The following CDYL variants were observed in gnomAD, a reference collection of about 807,000 sequenced individuals.
The protein encoded by CDYL is chromodomain Y-like protein.
A neutral mutation model predicts 47.3 loss-of-function variants in CDYL; 8 were observed. The ratio of observed to expected loss-of-function variants is 0.17; its 90% CI spans 0.10 to 0.31. The LOEUF is 0.31. CDYL is among the 10% of genes least tolerant of loss of function. CDYL has a pLI of 1.00. For synonymous variants in CDYL, 266 were observed against 265.0 expected (o/e 1.00, Z -0.04); for missense variants, 471 against 701.4 (o/e 0.67, Z 3.71).
intron 1 of CDYL, among the ~76,000 whole-genome samples, chr6:4,793,120 T>G (rs1170565213): frequency 2.6e-5 from 4 of 152,170 alleles, no homozygotes; most frequent in African/African-American, 9.7e-5. Context: ...TTCTGGCAAA[T>G]TTCTCTCCTC....
At chr6:4,771,316 G>A (rs1358758107) in intron 3 of CDYL, among the ~76,000 whole-genome samples, 1 of 152,160 alleles carries the variant, frequency 6.6e-6, no homozygotes, top group Non-Finnish European at 1.5e-5. Flanking sequence ...GTTTCACCAT[G>A]TTGGCCAGGC....
At chr6:4,894,874 C>CGTGTGTGTGTGTGT (rs1561692261) in intron 2 of CDYL, among the ~76,000 whole-genome samples, 3 of 147,700 alleles carry the variant, frequency 2.0e-5, no homozygotes, top group Non-Finnish European at 4.4e-5. Flanking sequence ...TATATACACA[C>CGTGTGTGTGTGTGT]ATGTGTATGT....
At chr6:4,797,866 C>G (rs1759119158) in intron 1 of CDYL, among the ~76,000 whole-genome samples, 1 of 152,064 alleles carries the variant, frequency 6.6e-6, no homozygotes, top group Non-Finnish European at 1.5e-5. Context: ...TACTTTTTGT[C>G]TATTATGAAT....
At chr6:4,831,400 A>G (rs1484154826) in intron 1 of CDYL, among the ~76,000 whole-genome samples, 5 of 152,016 alleles carry the variant, frequency 3.3e-5, no homozygotes, top group Non-Finnish European at 7.4e-5. Context: ...GATATGCGGC[A>G]TTATTTCTGA....
At chr6:4,907,658 C>G (rs2127498019) in intron 2 of CDYL, among the ~76,000 whole-genome samples, 1 of 152,314 alleles carries the variant, frequency 6.6e-6, no homozygotes, top group East Asian at 1.9e-4. Context: ...TAGGCATGAG[C>G]CACCATGTCC....
intron 2 of CDYL, among the ~76,000 whole-genome samples, chr6:4,923,751 A>G (rs1158671708): frequency 6.6e-6 from 1 of 152,132 alleles, no homozygotes; most frequent in African/African-American, 2.4e-5. Context: ...TTTAAAAAAA[A>G]TTAGCCAGGC....
chr6:4,902,487 G>A (rs1226332393), intron 2 of CDYL, among the ~76,000 whole-genome samples: 1 of 152,038 alleles, frequency 6.6e-6, no homozygotes, highest in East Asian at 1.9e-4. Flanking sequence ...CAGCGTTTGG[G>A]TGGCCCTCTG....
At chr6:4,739,795 A>G (rs1215653603) in intron 3 of CDYL, among the ~76,000 whole-genome samples, 1 of 150,956 alleles carries the variant, frequency 6.6e-6, no homozygotes, top group East Asian at 2.0e-4. Context: ...TCTACTAAAA[A>G]ATACAAAATT....
chr6:4,783,848 T>C (rs1758682875), intron 1 of CDYL, among the ~76,000 whole-genome samples: 1 of 152,106 alleles, frequency 6.6e-6, no homozygotes, highest in Non-Finnish European at 1.5e-5. Context: ...GTGTGATTTT[T>C]TATTAGTTAG....
intron 1 of CDYL, among the ~76,000 whole-genome samples, chr6:4,818,311 G>A (rs1759730402): frequency 6.6e-6 from 1 of 152,078 alleles, no homozygotes; most frequent in African/African-American, 2.4e-5. Context: ...GAAAAGGAGT[G>A]TGGGCAATAT....
intron 2 of CDYL, among the ~76,000 whole-genome samples, chr6:4,734,264 T>C (rs1187242276): frequency 6.6e-6 from 1 of 152,198 alleles, no homozygotes; most frequent in Non-Finnish European, 1.5e-5. Context: ...AGGGTCCCCT[T>C]GTGTGGGCTC....
At chr6:4,886,145 G>A (rs987673760) in intron 1 of CDYL, among the ~76,000 whole-genome samples, 2 of 152,136 alleles carry the variant, frequency 1.3e-5, no homozygotes, top group Non-Finnish European at 2.9e-5. Context: ...TTACTCATCA[G>A]TTAATAGACA....
upstream of CDYL, among the ~76,000 whole-genome samples, chr6:4,775,920 G>C (rs1256216916): frequency 6.7e-6 from 1 of 150,100 alleles, no homozygotes; most frequent in Admixed American, 6.6e-5. The surrounding 1 kb of genome is among the most constrained non-coding windows in gnomAD (Gnocchi z 7.0). Context: ...CGCTGCCGTC[G>C]GGGCGGTGGG....
chr6:4,848,071 C>T (rs994205175), intron 1 of CDYL, among the ~76,000 whole-genome samples: 2 of 152,118 alleles, frequency 1.3e-5, no homozygotes, highest in Non-Finnish European at 2.9e-5. Flanking sequence ...CTGGCTTATG[C>T]TTTTGCTTAT....
chr6:4,858,568 A>G (rs1242331502), intron 1 of CDYL, among the ~76,000 whole-genome samples: 1 of 152,248 alleles, frequency 6.6e-6, no homozygotes, highest in Non-Finnish European at 1.5e-5. Context: ...CACCCTGGCC[A>G]GCCTGTCTGG....
intron 1 of CDYL, among the ~76,000 whole-genome samples, chr6:4,875,957 T>G (rs1400203847): frequency 6.6e-6 from 1 of 152,214 alleles, no homozygotes; most frequent in Non-Finnish European, 1.5e-5. Flanking sequence ...GTTTTTTTCT[T>G]TTTATGTAAA....
intron 1 of CDYL, among the ~76,000 whole-genome samples, chr6:4,841,132 A>G (rs979176946): frequency 2.6e-5 from 4 of 152,038 alleles, no homozygotes; most frequent in Admixed American, 2.6e-4. Context: ...TTCCTGGTTT[A>G]GTCTAGGCGG....
intron 1 of CDYL, among the ~76,000 whole-genome samples, chr6:4,832,006 T>C (rs1581197183): frequency 6.6e-6 from 1 of 152,228 alleles, no homozygotes; most frequent in South Asian, 2.1e-4. Context: ...AGATATACAA[T>C]CATGTCATCT....
chr6:4,914,758 C>A (rs1164348982), intron 2 of CDYL, among the ~76,000 whole-genome samples: 1 of 152,168 alleles, frequency 6.6e-6, no homozygotes, highest in Non-Finnish European at 1.5e-5. Context: ...TGGGTTGTGA[C>A]ATGGTTTCTT....
Sources: allele counts gnomAD v4.1 joint callset (sites outside exome capture counted in the v4.1 genomes callset), GRCh38; gene constraint gnomAD v4.1.1; non-coding constraint Gnocchi (gnomAD v3.1); transcripts MANE v1.5; gene names NCBI Gene and HGNC (gene_info 2026-07-23, HGNC 2026-07-21).